The following ENOX2 variants were observed in gnomAD, a reference collection of about 807,000 sequenced individuals.
The protein encoded by ENOX2 is APK1 antigen.
In ENOX2, 36 loss-of-function variants were observed where a neutral mutation model predicts 45.0. The ratio of observed to expected loss-of-function variants is 0.80; its 90% CI spans 0.61 to 1.06. The LOEUF (loss-of-function observed/expected upper bound fraction) is 1.06. Ranked by LOEUF, ENOX2 falls within the 50% of genes least tolerant of loss-of-function variation. The pLI, the probability that ENOX2 is intolerant of heterozygous loss-of-function variation, is 0.00. For synonymous variants in ENOX2, 174 were observed against 152.3 expected (o/e 1.14, Z -1.05); for missense variants, 423 against 462.5 (o/e 0.91, Z 0.78).
intron 3 of ENOX2, among the ~76,000 whole-genome samples, chrX:130,775,197 C>A (rs928167361): frequency 1.8e-5 from 2 of 110,633 alleles, no homozygotes; most frequent in Non-Finnish European, 3.8e-5. Flanking sequence ...GCTGGGCAAC[C>A]TGGCGAAACC....
At chrX:130,656,735 G>T in intron 9 of ENOX2, 40 bp from the exon 10 acceptor site, 1 of 766,225 alleles carries the variant, frequency 1.3e-6, no homozygotes, top group Non-Finnish European at 2.0e-6. Flanking sequence ...GGAATTCCTT[G>T]AAAATGTTGA....
intron 3 of ENOX2, among the ~76,000 whole-genome samples, chrX:130,720,974 T>C (rs1335378772): frequency 8.9e-6 from 1 of 111,985 alleles, no homozygotes; most frequent in Non-Finnish European, 1.9e-5. Flanking sequence ...CTGCCAAGCA[T>C]ATTAGACATT....
At chrX:130,771,633 A>G (rs2039744247) in intron 3 of ENOX2, among the ~76,000 whole-genome samples, 1 of 111,803 alleles carries the variant, frequency 8.9e-6, no homozygotes, top group African/African-American at 3.3e-5. Flanking sequence ...GGCTATTTCA[A>G]AAGTCTTCAA....
At chrX:130,753,846 C>T (rs1333339205) in intron 3 of ENOX2, among the ~76,000 whole-genome samples, 1 of 110,947 alleles carries the variant, frequency 9.0e-6, no homozygotes, top group Non-Finnish European at 1.9e-5. Flanking sequence ...CTTTGATATA[C>T]TGATTTCTTT....
intron 2 of ENOX2, among the ~76,000 whole-genome samples, chrX:130,893,674 ATTTG>A (rs752689862): frequency 1.2e-4 from 14 of 112,467 alleles, no homozygotes; most frequent in Non-Finnish European, 2.3e-4. Flanking sequence ...AGATGGTACA[ATTTG>A]TTTGGGCACA....
chrX:130,729,760 A>G (rs1036246350), intron 3 of ENOX2, among the ~76,000 whole-genome samples: 1 of 112,612 alleles, frequency 8.9e-6, no homozygotes, highest in African/African-American at 3.2e-5. Flanking sequence ...CTGCTCAATC[A>G]CTAGAAAGTT....
chrX:130,743,836 G>A (rs2039039959), intron 3 of ENOX2, among the ~76,000 whole-genome samples: 1 of 111,503 alleles, frequency 9.0e-6, no homozygotes, highest in Non-Finnish European at 1.9e-5. Context: ...GAGAAAACTT[G>A]TGGAAACTGT....
At chrX:130,839,837 C>A (rs1175740984) in intron 2 of ENOX2, among the ~76,000 whole-genome samples, 2 of 111,877 alleles carry the variant, frequency 1.8e-5, no homozygotes, top group Non-Finnish European at 3.8e-5. Flanking sequence ...AGCAATCATA[C>A]AATAAATATG....
chrX:130,782,311 A>T (rs1288545692), intron 3 of ENOX2, among the ~76,000 whole-genome samples: 1 of 111,998 alleles, frequency 8.9e-6, no homozygotes, highest in Non-Finnish European at 1.9e-5. Context: ...ACAAATCCTA[A>T]GACATAGGCT....
chrX:130,868,468 G>T (rs772952099), intron 2 of ENOX2, among the ~76,000 whole-genome samples: 3 of 111,718 alleles, frequency 2.7e-5, no homozygotes, highest in African/African-American at 9.7e-5. Context: ...GAATTAAATT[G>T]TTTTGACCGC....
chrX:130,874,096 A>G (rs1197065222), intron 2 of ENOX2, among the ~76,000 whole-genome samples: 1 of 112,107 alleles, frequency 8.9e-6, no homozygotes, highest in African/African-American at 3.2e-5. Flanking sequence ...CTAGAGGCAC[A>G]TACAGTACCA....
chrX:130,689,919 G>A (rs976493586), intron 4 of ENOX2, among the ~76,000 whole-genome samples: 5 of 111,038 alleles, frequency 4.5e-5, no homozygotes, highest in African/African-American at 9.8e-5. Context: ...ACAATCTCAC[G>A]CGATACCATG....
chrX:130,722,656 A>T (rs1401272159), intron 3 of ENOX2, among the ~76,000 whole-genome samples: 1 of 112,227 alleles, frequency 8.9e-6, no homozygotes, highest in African/African-American at 3.2e-5. Flanking sequence ...AGTAAAATTA[A>T]TTTGATGCTT....
chrX:130,902,579 G>A (rs1004996821), intron 1 of ENOX2, among the ~76,000 whole-genome samples: 2 of 109,797 alleles, frequency 1.8e-5, no homozygotes, highest in African/African-American at 6.7e-5. Flanking sequence ...GAATTCCCAT[G>A]CCCCAAAGAA....
At chrX:130,889,490 G>A (rs937581429) in intron 2 of ENOX2, among the ~76,000 whole-genome samples, 1 of 111,344 alleles carries the variant, frequency 9.0e-6, no homozygotes, top group African/African-American at 3.3e-5. Context: ...TAAGCCAATT[G>A]GGAAAAGGAT....
intron 10 of ENOX2, among the ~76,000 whole-genome samples, chrX:130,649,043 CAAAAAAAAAAA>C (rs35154919): frequency 2.9e-4 from 2 of 6,799 alleles, no homozygotes; most frequent in Admixed American, 2.8e-3. Context: ...GACTCCATAT[CAAAAAAAAAAA>C]AAAAAAAAAA....
chrX:130,830,686 G>A (rs1423119501), intron 2 of ENOX2, among the ~76,000 whole-genome samples: 2 of 111,611 alleles, frequency 1.8e-5, no homozygotes, highest in East Asian at 2.8e-4. Flanking sequence ...TCCAACCATC[G>A]GTTAAATCTT....
chrX:130,671,145 G>A (rs375798254), intron 6 of ENOX2, among the ~76,000 whole-genome samples: 3 of 111,905 alleles, frequency 2.7e-5, no homozygotes. Flanking sequence ...TAGACTCTGT[G>A]CTTTCCTTTA....
chrX:130,625,407 G>A lies in ENOX2; in HGVS notation c.1653C>T (p.Leu551=). ...TSDVECLMGR[L]QHTFKQEMTG... ...TCATTTCCTGCTTGAAGGTATGCTG[G>A]AGTCTACCCATGAGACACTCCACAT... is the stretch of plus-strand genomic sequence containing the variant. The change falls in exon 15 of 15, where the codon CTC becomes CTT. Residue 551 remains leucine (L), a synonymous_variant. Coordinates refer to ENST00000394363, the MANE Select transcript of ENOX2 (RefSeq NM_006375.4). 1.7e-6 allele frequency: 2 copies of A among 1,209,531 alleles called. No homozygotes were observed. Among genetic ancestry groups the A allele is most frequent in the Non-Finnish European group, 2.2e-6 (2 of 893,781 alleles).
Sources: allele counts gnomAD v4.1 joint callset (sites outside exome capture counted in the v4.1 genomes callset), GRCh38; gene constraint gnomAD v4.1.1; transcripts MANE v1.5; gene names NCBI Gene and HGNC (gene_info 2026-07-23, HGNC 2026-07-21).